The following TBCK variants were observed in gnomAD, a reference collection of about 807,000 sequenced individuals.
The protein encoded by TBCK is TBC domain-containing protein kinase-like protein.
In TBCK, 99 loss-of-function variants were observed where a neutral mutation model predicts 113.4. That is an observed-to-expected ratio of 0.87 (90% CI 0.74 to 1.03). The LOEUF is 1.03. Among genes scored for constraint, TBCK ranks in the 50% least tolerant of loss-of-function variants. The probability of loss-of-function intolerance (pLI) is 0.00; values close to 1 mark genes in which losing one functional copy is unlikely to be tolerated. For synonymous variants in TBCK, 369 were observed against 370.8 expected (o/e 1.00, Z 0.05); for missense variants, 1,045 against 1,061.3 (o/e 0.98, Z 0.21).
intron 24 of TBCK, among the ~76,000 whole-genome samples, chr4:106,108,903 G>T (rs1742501240): frequency 6.7e-6 from 1 of 149,588 alleles, no homozygotes; most frequent in Non-Finnish European, 1.5e-5. Flanking sequence ...CAACTTCAGT[G>T]AGGTTGCAGG....
intron 17 of TBCK, among the ~76,000 whole-genome samples, chr4:106,232,588 T>G (rs919994666): frequency 6.6e-6 from 1 of 151,936 alleles, no homozygotes; most frequent in Non-Finnish European, 1.5e-5. Context: ...CCATGGTAAG[T>G]ATAAATTAGA....
chr4:106,260,581 AAATTATCATTATACATTT>A, intron 4 of TBCK, 71 bp from the exon 5 acceptor site: 1 of 488,302 alleles, frequency 2.0e-6, no homozygotes, highest in Non-Finnish European at 3.5e-6. Flanking sequence ...TTATATTATA[AAATTATCATTATACATTT>A]TATAACTAAA....
At chr4:106,131,497 C>T (rs1261259295) in intron 23 of TBCK, among the ~76,000 whole-genome samples, 1 of 152,184 alleles carries the variant, frequency 6.6e-6, no homozygotes, top group African/African-American at 2.4e-5. Flanking sequence ...CCTGTAATCC[C>T]AGCTACTTGG....
intron 23 of TBCK, among the ~76,000 whole-genome samples, chr4:106,134,664 AG>A (rs1350375770): frequency 2.0e-5 from 3 of 152,226 alleles, no homozygotes; most frequent in African/African-American, 7.2e-5. Flanking sequence ...TCCCCTTGCA[AG>A]GCAAATGTGT....
At chr4:106,143,713 A>G (rs898032712) in intron 23 of TBCK, among the ~76,000 whole-genome samples, 3 of 152,012 alleles carry the variant, frequency 2.0e-5, no homozygotes, top group African/African-American at 7.2e-5. Context: ...TCAGGAGTTC[A>G]TGACCAGCTT....
At chr4:106,116,017 T>C (rs557149164) in intron 24 of TBCK, among the ~76,000 whole-genome samples, 186 bp downstream of exon 24, 8 of 152,334 alleles carry the variant, frequency 5.3e-5, no homozygotes, top group African/African-American at 1.9e-4. Flanking sequence ...ATCAGGTCTC[T>C]GGTATGTAAT....
intron 23 of TBCK, among the ~76,000 whole-genome samples, chr4:106,160,337 C>G (rs1483158195): frequency 1.3e-5 from 2 of 151,610 alleles, no homozygotes; most frequent in Non-Finnish European, 2.9e-5. Flanking sequence ...AAAATGGCAA[C>G]CTACAGAATG....
intron 3 of TBCK, among the ~76,000 whole-genome samples, chr4:106,287,800 A>G (rs1404784663): frequency 6.6e-6 from 1 of 152,220 alleles, no homozygotes; most frequent in East Asian, 1.9e-4. Context: ...CTTTTATAAC[A>G]GATGACTGGA....
intron 25 of TBCK, among the ~76,000 whole-genome samples, chr4:106,068,072 G>C (rs1199137222): frequency 6.6e-6 from 1 of 152,090 alleles, no homozygotes; most frequent in Non-Finnish European, 1.5e-5. Context: ...GTTTTGGGTA[G>C]TATTGTCATC....
chr4:106,064,688 T>C (rs542789105), intron 25 of TBCK, among the ~76,000 whole-genome samples: 1 of 151,996 alleles, frequency 6.6e-6, no homozygotes. Context: ...TAGTTAATAA[T>C]TAATTTTAGT....
Position 106,308,781 on chromosome 4 carries a change from A to G in TBCK, c.180T>C (p.Ser60=). Residue 60 remains serine (S), a synonymous_variant, in exon 2 of 26, where the codon TCT becomes TCC. Transcript: ENST00000394708. ...HPRLCQYVDI[S]RGKHERLVVV... ...AAAATAACTTACCATGCTTTCCCCT[A>G]GAAATATCCACATACTGGCAGAGTC... 3.1e-6 allele frequency: 5 copies of G among 1,611,980 alleles called. No homozygotes were observed. Among genetic ancestry groups the G allele is most frequent in the Non-Finnish European group, 4.2e-6 (5 of 1,179,478 alleles).
chr4:106,315,529 TC>T (rs1295716759), intron 1 of TBCK: 3 of 152,202 alleles, frequency 2.0e-5, no homozygotes, highest in Non-Finnish European at 4.4e-5. Context: ...TCAAGTAACT[TC>T]CTTCCTCTGC....
chr4:106,268,552 T>G (rs1217470686), intron 3 of TBCK, among the ~76,000 whole-genome samples: 2 of 152,116 alleles, frequency 1.3e-5, no homozygotes, highest in Non-Finnish European at 2.9e-5. Flanking sequence ...GTATAATCTT[T>G]TAGTTAGTCA....
chr4:106,309,504 A>C (rs1233747338), intron 1 of TBCK, among the ~76,000 whole-genome samples: 1 of 151,650 alleles, frequency 6.6e-6, no homozygotes, highest in African/African-American at 2.4e-5. Context: ...GGGTTTCACT[A>C]TGTTGGCCAG....
intron 19 of TBCK, among the ~76,000 whole-genome samples, chr4:106,215,405 A>G (rs1756757905): frequency 6.6e-6 from 1 of 152,198 alleles, no homozygotes; most frequent in African/African-American, 2.4e-5. Context: ...GCTCCAGTTA[A>G]AAGACACAGA....
chr4:106,079,162 A>C (rs1166651206), intron 25 of TBCK, among the ~76,000 whole-genome samples: 1 of 152,206 alleles, frequency 6.6e-6, no homozygotes, highest in Non-Finnish European at 1.5e-5. Flanking sequence ...TAGGCATCAA[A>C]AAAACATACC....
At position 106,089,615 on chromosome 4, in the gene TBCK, C is replaced by A. The variant is rs183372110; in HGVS notation, c.2571+5867G>T. 1.5e-3 allele frequency among the ~76,000 whole-genome samples: 233 copies of A among 152,254 alleles called. 7 individuals are homozygous for A. Among genetic ancestry groups the A allele is most frequent in the Admixed American group, 0.015 (232 of 15,300 alleles). ...CATTGATCCTATGAGCCTGTGAGAT[C>A]AAAAACAAGTTATTTACTGCCAATA... is the stretch of plus-strand genomic sequence containing the variant. On this transcript the variant is annotated intron_variant, in intron 25 of 25. Coordinates refer to ENST00000394708, the MANE Select transcript of TBCK (RefSeq NM_001163435.3).
intron 25 of TBCK, among the ~76,000 whole-genome samples, chr4:106,078,114 C>T (rs1278958184): frequency 6.6e-6 from 1 of 152,038 alleles, no homozygotes; most frequent in Non-Finnish European, 1.5e-5. Flanking sequence ...CACAACATAC[C>T]AGTTTGGGAC....
At chr4:106,074,581 G>T (rs1010020833) in intron 25 of TBCK, among the ~76,000 whole-genome samples, 1 of 152,106 alleles carries the variant, frequency 6.6e-6, no homozygotes, top group Non-Finnish European at 1.5e-5. Context: ...ATAGAACACA[G>T]AAACCAATGT....
Sources: allele counts gnomAD v4.1 joint callset (sites outside exome capture counted in the v4.1 genomes callset), GRCh38; gene constraint gnomAD v4.1.1; transcripts MANE v1.5; gene names NCBI Gene and HGNC (gene_info 2026-07-23, HGNC 2026-07-21).